CMSS1: variants seen among roughly 807,000 people sequenced by gnomAD.
CMSS1 encodes the protein cms1 ribosomal small subunit homolog.
In CMSS1, 33 loss-of-function variants were observed where a neutral mutation model predicts 43.5. That is an observed-to-expected ratio of 0.76 (90% CI 0.57 to 1.01). The LOEUF is 1.01. Ranked by LOEUF, CMSS1 falls within the 50% of genes least tolerant of loss-of-function variation. The probability of loss-of-function intolerance (pLI) is 0.00; values close to 1 mark genes in which losing one functional copy is unlikely to be tolerated. For synonymous variants in CMSS1, 115 were observed against 117.2 expected (o/e 0.98, Z 0.12); for missense variants, 313 against 326.4 (o/e 0.96, Z 0.32).
intron 1 of CMSS1, among the ~76,000 whole-genome samples, chr3:99,976,740 T>C (rs1708983834): frequency 6.6e-6 from 1 of 152,232 alleles, no homozygotes; most frequent in Non-Finnish European, 1.5e-5. Context: ...TGTTGTTACT[T>C]ACCCTACTCA....
chr3:100,176,444 T>G (rs769840862), intron 9 of CMSS1, 29 bp downstream of exon 9: 1 of 1,436,318 alleles, frequency 7.0e-7, no homozygotes, highest in Non-Finnish European at 9.8e-7. Context: ...TTGCCTTTAA[T>G]CATTTTTTCT....
chr3:100,139,627 A>G (rs1161423597), intron 1 of CMSS1, among the ~76,000 whole-genome samples: 1 of 149,962 alleles, frequency 6.7e-6, no homozygotes, highest in African/African-American at 2.5e-5. Flanking sequence ...ATATATATAT[A>G]TATACACACA....
chr3:99,852,137 A>G, intron 1 of CMSS1, among the ~76,000 whole-genome samples: 1 of 152,236 alleles, frequency 6.6e-6, no homozygotes, highest in East Asian at 1.9e-4. Flanking sequence ...TAGTGAGGTC[A>G]AAGTTTTAAA....
intron 1 of CMSS1, among the ~76,000 whole-genome samples, chr3:100,091,486 T>C (rs2066109116): frequency 6.6e-6 from 1 of 152,250 alleles, no homozygotes. Context: ...GTTTTAAAGA[T>C]GCATGCTGAT....
At chr3:100,016,607 T>G (rs144702183) in intron 1 of CMSS1, among the ~76,000 whole-genome samples, 2 of 152,318 alleles carry the variant, frequency 1.3e-5, no homozygotes, top group African/African-American at 4.8e-5. Flanking sequence ...ACCTTGAAAC[T>G]AAAATACTTT....
At chr3:100,117,862 T>TACAC (rs1559763360) in intron 1 of CMSS1, among the ~76,000 whole-genome samples, 63 of 133,356 alleles carry the variant, frequency 4.7e-4, no homozygotes, top group African/African-American at 7.6e-4. Context: ...TACATATATA[T>TACAC]ATATATATAT....
intron 1 of CMSS1, among the ~76,000 whole-genome samples, chr3:99,840,359 G>A (rs1943081568): frequency 6.6e-6 from 1 of 151,810 alleles, no homozygotes; most frequent in Non-Finnish European, 1.5e-5. Context: ...AAGTAGCTGG[G>A]ATTACAGGTG....
chr3:100,086,095 G>A (rs1393634860), intron 1 of CMSS1, among the ~76,000 whole-genome samples: 1 of 152,186 alleles, frequency 6.6e-6, no homozygotes, highest in Non-Finnish European at 1.5e-5. Flanking sequence ...TAATAAAATA[G>A]CTTTTAATGA....
chr3:99,981,517 G>A (rs1709123722), intron 1 of CMSS1, among the ~76,000 whole-genome samples: 1 of 152,126 alleles, frequency 6.6e-6, no homozygotes, highest in African/African-American at 2.4e-5. Flanking sequence ...CATGATAAAT[G>A]TTTGAGGTGA....
chr3:100,162,520 A>G (rs2067033279), intron 4 of CMSS1, 88 bp downstream of exon 4: 2 of 1,410,596 alleles, frequency 1.4e-6, no homozygotes, highest in Admixed American at 2.1e-5. Context: ...CAATTAACAC[A>G]TTTTCCAGCG....
intron 1 of CMSS1, among the ~76,000 whole-genome samples, chr3:100,046,005 A>C (rs1213695447): frequency 6.6e-6 from 1 of 152,134 alleles, no homozygotes; most frequent in African/African-American, 2.4e-5. Context: ...GAAAAATGGA[A>C]ACATGTTTGC....
chr3:99,867,571 T>C (rs981144072), intron 1 of CMSS1, among the ~76,000 whole-genome samples: 9 of 152,194 alleles, frequency 5.9e-5, no homozygotes, highest in African/African-American at 2.2e-4. Context: ...CAAAATCTGC[T>C]AGTGACTTAA....
intron 1 of CMSS1, among the ~76,000 whole-genome samples, chr3:100,098,137 AC>A (rs1306603584): frequency 6.6e-6 from 1 of 152,178 alleles, no homozygotes; most frequent in Non-Finnish European, 1.5e-5. Context: ...TGGAGTCTGT[AC>A]TGCTTGCAGC....
At chr3:99,913,198 A>G (rs1220560214) in intron 1 of CMSS1, among the ~76,000 whole-genome samples, 1 of 152,198 alleles carries the variant, frequency 6.6e-6, no homozygotes, top group East Asian at 1.9e-4. Flanking sequence ...GTTGTTTACA[A>G]GCCACCCAAT....
chr3:100,140,611 C>T (rs1400216800), intron 1 of CMSS1, among the ~76,000 whole-genome samples: 1 of 152,072 alleles, frequency 6.6e-6, no homozygotes, highest in Non-Finnish European at 1.5e-5. Flanking sequence ...CTCAGCCTCC[C>T]TAAGCACTGG....
intron 1 of CMSS1, among the ~76,000 whole-genome samples, chr3:99,928,087 AAAG>A (rs1163586972): frequency 1.3e-5 from 2 of 152,252 alleles, no homozygotes; most frequent in Admixed American, 6.5e-5. Flanking sequence ...GGGGAATGCA[AAAG>A]AAGAATAACT....
At chr3:100,168,809 A>G (rs2067085492) in intron 6 of CMSS1, among the ~76,000 whole-genome samples, 2 of 151,578 alleles carry the variant, frequency 1.3e-5, no homozygotes, top group Admixed American at 1.3e-4. Context: ...AAATAGGCAA[A>G]GAAATTCTGA....
At chr3:100,000,694 G>A (rs964976745) in intron 1 of CMSS1, among the ~76,000 whole-genome samples, 9 of 152,200 alleles carry the variant, frequency 5.9e-5, no homozygotes, top group Non-Finnish European at 8.8e-5. Flanking sequence ...CAACCTGGGC[G>A]ATAGCGCAAG....
At chr3:99,884,086 T>A (rs371598268) in intron 1 of CMSS1, among the ~76,000 whole-genome samples, 25 of 152,280 alleles carry the variant, frequency 1.6e-4, no homozygotes, top group Middle Eastern at 6.8e-3. Flanking sequence ...TCTTGGAGAT[T>A]ATCTAGTTAG....
Sources: gnomAD v4.1 joint callset for allele counts (sites outside exome capture counted in the v4.1 genomes callset) on GRCh38, gnomAD v4.1.1 for gene constraint, MANE v1.5 for transcripts, NCBI Gene and HGNC (gene_info 2026-07-23, HGNC 2026-07-21) for gene names.